The following GALNT10 variants were observed in gnomAD, a reference collection of about 807,000 sequenced individuals.
GALNT10 encodes the protein GalNAc transferase 10.
GALNT10 carries 41 observed loss-of-function variants against 75.0 expected under a neutral mutation model. The ratio of observed to expected loss-of-function variants is 0.55; its 90% CI spans 0.43 to 0.71. The LOEUF is 0.71. Among genes scored for constraint, GALNT10 ranks in the 30% least tolerant of loss-of-function variants. The pLI, the probability that GALNT10 is intolerant of heterozygous loss-of-function variation, is 0.00. For synonymous variants in GALNT10, 302 were observed against 313.0 expected, an observed-to-expected ratio of 0.96 and a Z score of 0.37; for missense variants, 727 against 818.5, an observed-to-expected ratio of 0.89 and a Z score of 1.36.
chr5:154,355,516 G>T (rs972369667), intron 4 of GALNT10, among the ~76,000 whole-genome samples: 2 of 152,256 alleles, frequency 1.3e-5, no homozygotes. Context: ...AAGGGCCAGG[G>T]CCAGGTCCAG....
chr5:154,347,684 C>T (rs1313382500), intron 4 of GALNT10, among the ~76,000 whole-genome samples: 3 of 152,148 alleles, frequency 2.0e-5, no homozygotes, highest in Non-Finnish European at 2.9e-5. Flanking sequence ...GGATTTAATG[C>T]CTTATGTTTT....
intron 1 of GALNT10, among the ~76,000 whole-genome samples, chr5:154,270,453 A>G (rs1383497909): frequency 1.3e-5 from 2 of 151,940 alleles, no homozygotes; most frequent in Non-Finnish European, 2.9e-5. Context: ...TTACAGAACA[A>G]TAAGAGGCAA....
At chr5:154,303,610 G>A (rs960419051) in intron 3 of GALNT10, among the ~76,000 whole-genome samples, 3 of 152,094 alleles carry the variant, frequency 2.0e-5, no homozygotes, top group Non-Finnish European at 4.4e-5. Context: ...GGGGAATCAG[G>A]TAGAGTACTT....
At chr5:154,391,937 C>T (rs1039858891) in intron 7 of GALNT10, among the ~76,000 whole-genome samples, 2 of 152,158 alleles carry the variant, frequency 1.3e-5, no homozygotes, top group Non-Finnish European at 2.9e-5. Context: ...GGCCCCATGC[C>T]CATCCCTGAA....
At chr5:154,330,667 G>A (rs1001997479) in intron 4 of GALNT10, among the ~76,000 whole-genome samples, 42 of 152,288 alleles carry the variant, frequency 2.8e-4, no homozygotes, top group African/African-American at 9.9e-4. Context: ...TTCAGCCAGT[G>A]GCCTCAAGCT....
chr5:154,218,216 C>G, intron 1 of GALNT10: 1 of 762,732 alleles, frequency 1.3e-6, no homozygotes, highest in Non-Finnish European at 1.6e-6. Flanking sequence ...GTCCCTCTCT[C>G]ATTTTAAAAG....
At chr5:154,410,928 C>T (rs1234615733) in intron 9 of GALNT10, among the ~76,000 whole-genome samples, 3 of 152,204 alleles carry the variant, frequency 2.0e-5, no homozygotes, top group African/African-American at 7.2e-5. Context: ...TTAAATCAAG[C>T]CAGGCCCTCC....
intron 1 of GALNT10, among the ~76,000 whole-genome samples, chr5:154,245,788 G>A (rs1343116190): frequency 6.8e-6 from 1 of 146,738 alleles, no homozygotes; most frequent in Non-Finnish European, 1.5e-5. Context: ...GGCCAGGGAT[G>A]TCTGGTGATA....
intron 1 of GALNT10, among the ~76,000 whole-genome samples, chr5:154,216,435 GA>G (rs986311693): frequency 3.9e-5 from 6 of 152,172 alleles, no homozygotes; most frequent in East Asian, 3.9e-4. Context: ...AAATTAAAAA[GA>G]TTTTTTTTAG....
intron 3 of GALNT10, among the ~76,000 whole-genome samples, chr5:154,322,131 ATCATGCGTGGG>A (rs1285402142): frequency 2.0e-5 from 3 of 152,200 alleles, no homozygotes; most frequent in Non-Finnish European, 1.5e-5. Flanking sequence ...TCAGAAATAC[ATCATGCGTGGG>A]TCTCACCAGG....
chr5:154,335,593 G>C (rs1754935198), intron 4 of GALNT10, among the ~76,000 whole-genome samples: 1 of 152,156 alleles, frequency 6.6e-6, no homozygotes, highest in Admixed American at 6.5e-5. Context: ...ATCACTTGGA[G>C]GCAATTAGTA....
chr5:154,236,689 C>G (rs1753251430), intron 1 of GALNT10, among the ~76,000 whole-genome samples: 1 of 152,206 alleles, frequency 6.6e-6, no homozygotes, highest in South Asian at 2.1e-4. Context: ...TTGCCATTAG[C>G]TGTCACTTTT....
At chr5:154,345,809 T>A (rs944261472) in intron 4 of GALNT10, among the ~76,000 whole-genome samples, 4 of 100,508 alleles carry the variant, frequency 4.0e-5, no homozygotes, top group Non-Finnish European at 6.9e-5. Context: ...CGAATTTTTT[T>A]TTTTTTTGTA....
chr5:154,289,425 G>A (rs11950904), intron 1 of GALNT10, among the ~76,000 whole-genome samples: 14,288 of 152,198 alleles, frequency 0.094, 725 homozygotes, highest in African/African-American at 0.13. Context: ...CATTCAGCTG[G>A]TATTTTTCAA....
At chr5:154,296,215 T>A (rs1754269481) in intron 2 of GALNT10, among the ~76,000 whole-genome samples, 1 of 152,176 alleles carries the variant, frequency 6.6e-6, no homozygotes, top group African/African-American at 2.4e-5. Context: ...GCCTCCCAAG[T>A]AGCTGGGATT....
chr5:154,250,393 T>C (rs909835608), intron 1 of GALNT10, among the ~76,000 whole-genome samples: 1 of 152,182 alleles, frequency 6.6e-6, no homozygotes, highest in African/African-American at 2.4e-5. Context: ...ATTTAAATGA[T>C]ATGGAGATTC....
intron 4 of GALNT10, among the ~76,000 whole-genome samples, chr5:154,360,462 A>C (rs190595943): frequency 1.6e-4 from 25 of 152,058 alleles, no homozygotes; most frequent in East Asian, 1.5e-3. Flanking sequence ...AAAAAAAAAA[A>C]AAAACAAAAC....
At chr5:154,274,021 T>C (rs952325899) in intron 1 of GALNT10, among the ~76,000 whole-genome samples, 1 of 152,244 alleles carries the variant, frequency 6.6e-6, no homozygotes, top group South Asian at 2.1e-4. Context: ...TCTTCAATTC[T>C]ATGCTTCCCT....
chr5:154,404,569 G>A (rs918145426), intron 8 of GALNT10, among the ~76,000 whole-genome samples: 2 of 152,174 alleles, frequency 1.3e-5, no homozygotes, highest in African/African-American at 4.8e-5. Context: ...ATGTTTTCTT[G>A]TTCATGTGTT....
Sources: allele counts gnomAD v4.1 joint callset (sites outside exome capture counted in the v4.1 genomes callset), GRCh38; gene constraint gnomAD v4.1.1; transcripts MANE v1.5; gene names NCBI Gene and HGNC (gene_info 2026-07-23, HGNC 2026-07-21).